The following INPP5F variants were observed in gnomAD, a reference collection of about 807,000 sequenced individuals.
INPP5F encodes inositol polyphosphate-5-phosphatase F.
INPP5F carries 97 observed loss-of-function variants against 137.2 expected under a neutral mutation model. That is an observed-to-expected ratio of 0.71 (90% CI 0.60 to 0.84). The LOEUF is 0.84. Among genes scored for constraint, INPP5F ranks in the 40% least tolerant of loss-of-function variants. The pLI is 0.00. For synonymous variants in INPP5F, 504 were observed against 476.9 expected, an observed-to-expected ratio of 1.06 and a Z score of -0.74; for missense variants, 1,271 against 1,371.9, an observed-to-expected ratio of 0.93 and a Z score of 1.16.
chr10:119,826,589 G>T, intron 19 of INPP5F, 42 bp from the exon 20 acceptor site: 1 of 1,437,298 alleles, frequency 7.0e-7, no homozygotes, highest in Non-Finnish European at 9.4e-7. Context: ...TGGCATATTG[G>T]ATTCCATGGG....
At position 119,748,114 on chromosome 10, in the gene INPP5F, G is replaced by A. The variant is rs753828751; in HGVS notation, c.98-2962G>A. On this transcript the variant is annotated intron_variant, in intron 1 of 19. Coordinates refer to ENST00000650623, the MANE Select transcript of INPP5F (RefSeq NM_014937.4). The surrounding 1 kb of genome is among the most constrained non-coding windows in gnomAD (Gnocchi z 4.7). ...CAAGCCAGGTGCGGAGTGGCGAGTG[G>A]TGTATGAGCGAGCGTGCACGGTCCA... Among the ~76,000 whole-genome samples the A allele has an allele frequency of 6.6e-6, 1 of 152,232 alleles. No individual in the cohort carries two copies. Among genetic ancestry groups the A allele is most frequent in the African/African-American group, 2.4e-5 (1 of 41,450 alleles).
chr10:119,804,510 T>C (rs1243070956), intron 10 of INPP5F, among the ~76,000 whole-genome samples: 1 of 152,178 alleles, frequency 6.6e-6, no homozygotes, highest in Non-Finnish European at 1.5e-5. Context: ...TTACAGTCGT[T>C]CTGTTCCAGA....
intron 9 of INPP5F, chr10:119,799,306 T>C (rs1045855073): frequency 3.6e-5 from 16 of 446,646 alleles, no homozygotes; most frequent in Non-Finnish European, 5.4e-5. Flanking sequence ...CATTTTTTTT[T>C]CAGCAACAAA....
intron 18 of INPP5F, among the ~76,000 whole-genome samples, chr10:119,823,419 G>A (rs988186558): frequency 4.6e-5 from 7 of 152,150 alleles, no homozygotes; most frequent in Non-Finnish European, 1.0e-4. Flanking sequence ...AATCTTTAGC[G>A]GGGATTCTCA....
intron 19 of INPP5F, among the ~76,000 whole-genome samples, chr10:119,824,151 C>T (rs772455883): frequency 2.6e-5 from 4 of 152,116 alleles, no homozygotes; most frequent in African/African-American, 7.2e-5. Flanking sequence ...ACTCTTCCTT[C>T]GGCTTCCCTT....
At chr10:119,822,752 A>C (rs908731623) in intron 17 of INPP5F, among the ~76,000 whole-genome samples, 3 of 152,208 alleles carry the variant, frequency 2.0e-5, no homozygotes, top group African/African-American at 7.2e-5. Context: ...TAGAAACCAG[A>C]AAGGGATATT....
At position 119,726,112 on chromosome 10, in the gene INPP5F, C is replaced by T. The variant is rs1847874774; in HGVS notation, c.-151C>T. 1 of 402,468 alleles carries T rather than the reference C, an allele frequency of 2.5e-6. No homozygotes were observed. Among genetic ancestry groups the T allele is most frequent in the East Asian group, 4.2e-5 (1 of 23,652 alleles). The allele number at this position is 402,468 out of a possible 1,614,324, so 24.9% of individuals were successfully genotyped here. ...CGGGGCGCGTTCTCCTCCTACCGGT[C>T]GGGTGCCCCGGGGCGTTCCCTCTGC... On this transcript the variant is annotated 5_prime_UTR_variant, in exon 1 of 20. Transcript: ENST00000650623.
Position 119,761,977 on chromosome 10 carries a change from C to T in INPP5F, c.178+10821C>T, listed in dbSNP as rs183750094. The stretch of plus-strand genomic sequence containing the variant: ...GAGGGATTGGTTCCAGGACCACCCA[C>T]GTATACCAAAATCCATGCATGCTCA... On this transcript the variant is annotated intron_variant, in intron 2 of 19. Transcript: ENST00000650623. 3.3e-4 allele frequency among the ~76,000 whole-genome samples: 50 copies of T among 152,210 alleles called. No homozygotes were observed. In the East Asian group the frequency reaches 8.1e-3, roughly 25 times the overall value.
At chr10:119,811,112 A>T (rs2134258092) in intron 14 of INPP5F, among the ~76,000 whole-genome samples, 1 of 152,310 alleles carries the variant, frequency 6.6e-6, no homozygotes, top group Admixed American at 6.5e-5. Context: ...ATCACTGAGG[A>T]CCTCAGTTCT....
intron 2 of INPP5F, among the ~76,000 whole-genome samples, chr10:119,770,380 C>T (rs985699687): frequency 2.1e-4 from 32 of 152,110 alleles, no homozygotes; most frequent in African/African-American, 7.5e-4. Context: ...AAATACATAG[C>T]CTGCTTTGGT....
chr10:119,728,309 G>A (rs1847949093), intron 1 of INPP5F, among the ~76,000 whole-genome samples: 1 of 152,214 alleles, frequency 6.6e-6, no homozygotes, highest in Admixed American at 6.5e-5. Context: ...CCATGCACTT[G>A]ATTTTCCTAT....
intron 15 of INPP5F, among the ~76,000 whole-genome samples, chr10:119,813,601 G>T (rs1019345876): frequency 6.6e-6 from 1 of 152,008 alleles, no homozygotes; most frequent in Non-Finnish European, 1.5e-5. Context: ...CACCAGCCTG[G>T]GTGACAGAGT....
intron 2 of INPP5F, among the ~76,000 whole-genome samples, chr10:119,765,350 G>A (rs1849124473): frequency 6.6e-6 from 1 of 151,862 alleles, no homozygotes; most frequent in Admixed American, 6.6e-5. Context: ...TTAAGTTTTG[G>A]GGGTGTTAAA....
intron 1 of INPP5F, among the ~76,000 whole-genome samples, chr10:119,749,244 A>G (rs55695537): frequency 0.011 from 1,658 of 152,306 alleles, 13 homozygotes; most frequent in Admixed American, 0.019. Context: ...TGCTGGCTGC[A>G]GCTGTGCCAG....
chr10:119,736,693 T>C (rs1253264703), intron 1 of INPP5F, among the ~76,000 whole-genome samples: 2 of 152,216 alleles, frequency 1.3e-5, no homozygotes, highest in African/African-American at 4.8e-5. Flanking sequence ...GACTTTATGC[T>C]TCATATAGAG....
At chr10:119,817,461 C>G (rs1052951448) in intron 15 of INPP5F, among the ~76,000 whole-genome samples, 4 of 152,342 alleles carry the variant, frequency 2.6e-5, no homozygotes, top group Admixed American at 2.6e-4. Flanking sequence ...TCAGTACATT[C>G]CAGTTTGGAG....
chr10:119,818,668 T>C (rs1851398399), intron 15 of INPP5F: 1 of 152,360 alleles, frequency 6.6e-6, no homozygotes, highest in Non-Finnish European at 1.5e-5. Flanking sequence ...GTCCGGAAGC[T>C]AGACGTGTCC....
At chr10:119,824,702 T>A (rs1851695814) in intron 19 of INPP5F, among the ~76,000 whole-genome samples, 1 of 152,204 alleles carries the variant, frequency 6.6e-6, no homozygotes, top group South Asian at 2.1e-4. Context: ...CTAAGACTAT[T>A]CATTTTCATA....
rs1849948828 is a variant in INPP5F at position 119,787,139 on chromosome 10, A to G, written c.316-4378A>G. 6.6e-6 allele frequency among the ~76,000 whole-genome samples: 1 copy of G among 152,296 alleles called. No homozygotes were observed. The highest frequency in any genetic ancestry group is 2.4e-5 in the African/African-American group (1 of 41,570). On this transcript the variant is annotated intron_variant, in intron 3 of 19. Transcript: ENST00000650623. This position sits in a 1 kb window ranked among gnomAD's most constrained non-coding sequence, Gnocchi z 4.1. The stretch of plus-strand genomic sequence containing the variant: ...CAGTATCTTCATATCAGTTCAGGGC[A>G]TGCTTTGCCATTAAATGAGTTTTTA...
Sources: gnomAD v4.1 joint callset for allele counts (sites outside exome capture counted in the v4.1 genomes callset) on GRCh38, gnomAD v4.1.1 for gene constraint, Gnocchi (gnomAD v3.1) non-coding constraint, MANE v1.5 for transcripts, NCBI Gene and HGNC (gene_info 2026-07-23, HGNC 2026-07-21) for gene names.